The following PLS1 variants were observed in gnomAD, a reference collection of about 807,000 sequenced individuals.
The protein encoded by PLS1 is plastin 1.
Under a neutral mutation model 73.7 loss-of-function variants are expected in PLS1, and 32 were observed. That is an observed-to-expected ratio of 0.43 (90% confidence interval 0.33 to 0.58). The LOEUF is 0.58. Among genes scored for constraint, PLS1 ranks in the 20% least tolerant of loss-of-function variants. The pLI is 0.04. For missense variants in PLS1, 633 were observed against 740.5 expected (o/e 0.85, Z 1.68); for synonymous variants, 217 against 261.3 (o/e 0.83, Z 1.63).
chr3:142,702,614 T>C (rs2038353592), intron 12 of PLS1, among the ~76,000 whole-genome samples: 1 of 152,210 alleles, frequency 6.6e-6, no homozygotes, highest in South Asian at 2.1e-4. Flanking sequence ...TATGAGAGCT[T>C]ATAATTTCAC....
intron 14 of PLS1, among the ~76,000 whole-genome samples, chr3:142,708,890 T>C (rs947122599): frequency 6.6e-6 from 1 of 152,200 alleles, no homozygotes; most frequent in Non-Finnish European, 1.5e-5. Flanking sequence ...ATACAATCTT[T>C]AGAAACTTAA....
At chr3:142,614,744 T>A (rs2036184591) in intron 1 of PLS1, among the ~76,000 whole-genome samples, 1 of 151,804 alleles carries the variant, frequency 6.6e-6, no homozygotes, top group African/African-American at 2.4e-5. Context: ...GCTTCAGGAG[T>A]ATGGCGGCTA....
intron 1 of PLS1, among the ~76,000 whole-genome samples, chr3:142,608,937 T>C (rs1264442047): frequency 6.6e-6 from 1 of 152,240 alleles, no homozygotes; most frequent in East Asian, 1.9e-4. Context: ...GTTACATTGC[T>C]CAATGTATGT....
chr3:142,665,351 A>G (rs1019772959), intron 2 of PLS1, among the ~76,000 whole-genome samples: 28 of 152,094 alleles, frequency 1.8e-4, no homozygotes, highest in African/African-American at 6.7e-4. Flanking sequence ...TGTTTTACAA[A>G]TCATTACTGT....
Position 142,698,101 on chromosome 3 carries a change from T to C in PLS1, c.1371+34T>C, listed in dbSNP as rs3773503. On this transcript the variant is annotated intron_variant, in intron 12 of 15. Transcript: ENST00000457734. Reference sequence around the variant, plus strand: ...AATAATGGCCATGGATATATTGTTATTGTTCTGATATGAAACAAAGAATTT... The same window carrying C: ...AATAATGGCCATGGATATATTGTTACTGTTCTGATATGAAACAAAGAATTT... The C allele has an allele frequency of 9.3e-5, 110 of 1,185,296 alleles. No homozygotes were observed. In the East Asian group the frequency reaches 2.5e-3, roughly 27 times the overall value. The allele number at this position is 1,185,296 out of a possible 1,614,324, so 73.4% of individuals were successfully genotyped here. A position where few individuals can be genotyped will look rare whatever the true frequency, so the allele number is the denominator to read the frequency against.
chr3:142,608,136 C>T (rs2036057255), intron 1 of PLS1, among the ~76,000 whole-genome samples: 1 of 152,102 alleles, frequency 6.6e-6, no homozygotes, highest in Non-Finnish European at 1.5e-5. Flanking sequence ...GCATGAGCCA[C>T]CCACTATGCC....
intron 14 of PLS1, among the ~76,000 whole-genome samples, chr3:142,709,067 A>G (rs1342746569): frequency 1.6e-4 from 24 of 152,256 alleles, no homozygotes; most frequent in Admixed American, 1.4e-3. Flanking sequence ...ATTTTAAAAA[A>G]TAATCATATA....
Position 142,600,904 on chromosome 3 carries a change from ATATATATATATATTTTTTTTTTTTTTT to A in PLS1, c.-37+4397_-37+4423del, listed in dbSNP as rs2035908429. 2.6e-4 allele frequency among the ~76,000 whole-genome samples: 8 copies of A among 30,442 alleles called. 3 individuals carry two copies. The allele number at this position is 30,442 out of a possible 152,430, so 20.0% of individuals were successfully genotyped here. A position where few individuals can be genotyped will look rare whatever the true frequency, so the allele number is the denominator to read the frequency against. On this transcript the variant is annotated intron_variant, in intron 1 of 15. Coordinates refer to ENST00000457734, the MANE Select transcript of PLS1 (RefSeq NM_001145319.2). ...TATATATATATATATATATATATAT[ATATATATATATATTTTTTTTTTTTTTT>A]TTTTTTTTTTGAGACGGAGTCTCGC...
At chr3:142,705,689 T>C (rs1441235731) in intron 14 of PLS1, among the ~76,000 whole-genome samples, 1 of 152,110 alleles carries the variant, frequency 6.6e-6, no homozygotes, top group Non-Finnish European at 1.5e-5. Context: ...TTTATTTCTC[T>C]CTTTGCCTTC....
At chr3:142,678,263 A>G in intron 6 of PLS1, 150 bp downstream of exon 6, 1 of 315,984 alleles carries the variant, frequency 3.2e-6, no homozygotes, top group Admixed American at 5.0e-5. Flanking sequence ...CCTTTTTTTT[A>G]TTTTTATTTT....
chr3:142,603,483 A>G (rs1007969347), intron 1 of PLS1, among the ~76,000 whole-genome samples: 1 of 152,210 alleles, frequency 6.6e-6, no homozygotes, highest in East Asian at 1.9e-4. Flanking sequence ...TCACAGCTAT[A>G]AAACTACGAG....
intron 1 of PLS1, among the ~76,000 whole-genome samples, chr3:142,616,533 C>T (rs143760490): frequency 6.6e-6 from 1 of 152,234 alleles, no homozygotes; most frequent in Non-Finnish European, 1.5e-5. Context: ...TCAGCATGGA[C>T]TGCAGTACTA....
chr3:142,651,050 C>T (rs2037077142), intron 1 of PLS1, among the ~76,000 whole-genome samples: 1 of 152,116 alleles, frequency 6.6e-6, no homozygotes, highest in African/African-American at 2.4e-5. Flanking sequence ...TGGTATAAAA[C>T]TGAGGTTGGG....
intron 1 of PLS1, among the ~76,000 whole-genome samples, chr3:142,635,305 G>C (rs2036654625): frequency 6.6e-6 from 1 of 151,430 alleles, no homozygotes; most frequent in Non-Finnish European, 1.5e-5. Flanking sequence ...GGGACAAATA[G>C]AAAACAAATA....
chr3:142,604,495 T>C (rs1253162453), intron 1 of PLS1, among the ~76,000 whole-genome samples: 1 of 152,154 alleles, frequency 6.6e-6, no homozygotes, highest in Non-Finnish European at 1.5e-5. Flanking sequence ...GTTAATCAGG[T>C]CAGTGAGGTG....
chr3:142,669,488 G>C lies in PLS1; in HGVS notation c.169G>C (p.Glu57Gln), dbSNP rs188001567. The C allele has an allele frequency of 3.1e-6, 5 of 1,613,738 alleles. No individual in the cohort carries two copies. Among genetic ancestry groups the C allele is most frequent in the Non-Finnish European group, 8.5e-7 (1 of 1,179,714 alleles). Residue 57 changes from glutamate to glutamine, a missense_variant, in exon 3 of 16, where the codon GAG (glutamate) becomes CAG (glutamine). By Grantham distance (29) the Glu-to-Gln change is conservative (BLOSUM62 2). Transcript: ENST00000457734. ...LPGYKVREIV[E>Q]KILSVADSNK... ...TGGCTACAAGGTGCGCGAGATTGTGGAGAAAATTCTATCAGTTGCTGACAG... is the reference window on the plus strand; with the variant it reads ...TGGCTACAAGGTGCGCGAGATTGTGCAGAAAATTCTATCAGTTGCTGACAG...
intron 14 of PLS1, among the ~76,000 whole-genome samples, chr3:142,706,298 ATAT>A (rs1160370248): frequency 5.3e-5 from 8 of 152,196 alleles, no homozygotes; most frequent in Admixed American, 3.9e-4. Context: ...AATGCAACTA[ATAT>A]TATGGATGAA....
intron 4 of PLS1, 113 bp downstream of exon 4, chr3:142,671,235 C>A: frequency 1.1e-6 from 1 of 910,056 alleles, no homozygotes; most frequent in Non-Finnish European, 1.7e-6. Flanking sequence ...TTTTATGTGC[C>A]ACTGAGGAGA....
At chr3:142,676,410 G>A (rs951010464) in intron 5 of PLS1, 121 bp downstream of exon 5, 7 of 903,614 alleles carry the variant, frequency 7.7e-6, no homozygotes, top group Middle Eastern at 4.5e-4. Flanking sequence ...TAGGTCATGA[G>A]GAATTTATAT....
Sources: allele counts gnomAD v4.1 joint callset (sites outside exome capture counted in the v4.1 genomes callset), GRCh38; gene constraint gnomAD v4.1.1; transcripts MANE v1.5; gene names NCBI Gene and HGNC (gene_info 2026-07-23, HGNC 2026-07-21).